The following ARMC12 variants were observed in gnomAD, a reference collection of about 807,000 sequenced individuals.
ARMC12 encodes armadillo repeat containing 12, also known as armadillo repeat-containing protein 12.
Under a neutral mutation model 37.4 loss-of-function variants are expected in ARMC12, and 25 were observed. The ratio of observed to expected loss-of-function variants is 0.67; its 90% CI spans 0.49 to 0.93. The LOEUF (loss-of-function observed/expected upper bound fraction) is 0.93. ARMC12 is among the 40% of genes least tolerant of loss of function. ARMC12 has a pLI of 0.00. For missense variants in ARMC12, 384 were observed against 426.6 expected, an observed-to-expected ratio of 0.90 and a Z score of 0.88; for synonymous variants, 167 against 176.1, an observed-to-expected ratio of 0.95 and a Z score of 0.41.
chr6:35,743,093 G>A (rs1019942437), intron 3 of ARMC12, among the ~76,000 whole-genome samples: 21 of 152,188 alleles, frequency 1.4e-4, no homozygotes, highest in African/African-American at 4.8e-4. Context: ...GAAGGGAAGG[G>A]CAGGTACTGA....
At chr6:35,746,072 T>A (rs67487310) in intron 3 of ARMC12, among the ~76,000 whole-genome samples, 258 of 149,624 alleles carry the variant, frequency 1.7e-3, no homozygotes, top group African/African-American at 3.0e-3. Context: ...TAAAATTAAA[T>A]TAAAAAACAA....
Position 35,738,039 on chromosome 6 carries a change from A to T in ARMC12, c.176A>T (p.Glu59Val). ...SPICIARLAV[E>V]RERHGRDSGE... The stretch of plus-strand genomic sequence containing the variant: ...GGTGGCTGTCTAGGCCTGGCAGTCG[A>T]GCGAGAGCGGCACGGGCGGGACTCA... Residue 59 changes from glutamate to valine, a missense_variant, in exon 2 of 6, where the codon GAG becomes GTG. By Grantham distance (121) the Glu-to-Val change is moderately radical. Transcript: ENST00000373866. 6.2e-7 allele frequency: 1 copy of T among 1,613,476 alleles called. No homozygotes were observed. Among genetic ancestry groups the T allele is most frequent in the Non-Finnish European group, 8.5e-7 (1 of 1,180,018 alleles).
chr6:35,747,056 G>GGAAAAAAAAAA (rs1352930256), intron 3 of ARMC12, among the ~76,000 whole-genome samples: 1 of 34,468 alleles, frequency 2.9e-5, no homozygotes, highest in Admixed American at 2.5e-4. Context: ...AAAGAAGTCT[G>GGAAAAAAAAAA]TAAAAAAAAA....
At chr6:35,736,424 A>C (rs1222718758), upstream of ARMC12, among the ~76,000 whole-genome samples, 1 of 152,190 alleles carries the variant, frequency 6.6e-6, no homozygotes, top group East Asian at 1.9e-4. Context: ...CACCTCACCC[A>C]GAAATGCCCT....
intron 3 of ARMC12, 30 bp downstream of exon 3, chr6:35,738,548 C>A: frequency 1.9e-6 from 3 of 1,612,812 alleles, no homozygotes; most frequent in Non-Finnish European, 2.5e-6. Flanking sequence ...GTGGGGCATG[C>A]AGGATGTCTA....
chr6:35,745,725 T>A (rs1328859031), intron 3 of ARMC12, among the ~76,000 whole-genome samples: 1 of 152,200 alleles, frequency 6.6e-6, no homozygotes, highest in African/African-American at 2.4e-5. Context: ...TGTACTATTT[T>A]TGCAACTTCC....
In ARMC12 at chr6:35,745,263, C is replaced by T. The variant is rs560277935; in HGVS notation, c.445-1998C>T. On this transcript the variant is annotated intron_variant, in intron 3 of 5. Coordinates refer to ENST00000373866, the MANE Select transcript of ARMC12 (RefSeq NM_001286574.2). ...TGAATGGTTAAACAAAATGGTATAG[C>T]CATTACCATGGAATGCTACTTAGTA... Among the ~76,000 whole-genome samples the T allele has an allele frequency of 1.6e-4, 24 of 152,248 alleles. No individual in the cohort carries two copies. The South Asian group carries it at 3.5e-3, about 22-fold the overall frequency.
upstream of ARMC12, among the ~76,000 whole-genome samples, chr6:35,734,190 G>A (rs929411202): frequency 1.3e-5 from 2 of 151,954 alleles, no homozygotes; most frequent in East Asian, 3.9e-4. Flanking sequence ...GACAGGGTCT[G>A]GCTCTGTCAC....
At chr6:35,739,739 T>C (rs1767108438) in intron 3 of ARMC12, among the ~76,000 whole-genome samples, 1 of 152,220 alleles carries the variant, frequency 6.6e-6, no homozygotes, top group Non-Finnish European at 1.5e-5. Flanking sequence ...ACTGAAACAG[T>C]TGTTATGGAG....
At chr6:35,735,330 A>C (rs1766932601), upstream of ARMC12, 1 of 152,364 alleles carries the variant, frequency 6.6e-6, no homozygotes, top group African/African-American at 2.4e-5. This position sits in a 1 kb window ranked among gnomAD's most constrained non-coding sequence, Gnocchi z 4.0. Flanking sequence ...CTCACCCCTC[A>C]CCACAGGGAG....
At chr6:35,738,286 T>TTTGGGGGAGAGGGGG in intron 2 of ARMC12, 98 bp from the exon 3 acceptor site, 1 of 1,059,414 alleles carries the variant, frequency 9.4e-7, no homozygotes, top group Non-Finnish European at 1.2e-6. Flanking sequence ...CTGATAGCGG[T>TTTGGGGGAGAGGGGG]GGGGGGGGGG....
chr6:35,732,532 A>G (rs573117269), upstream of ARMC12, among the ~76,000 whole-genome samples: 1 of 152,204 alleles, frequency 6.6e-6, no homozygotes, highest in East Asian at 1.9e-4. Flanking sequence ...ACTGGAGTTT[A>G]GGGTAGGGTA....
At chr6:35,736,324 A>G (rs1324049155), upstream of ARMC12, among the ~76,000 whole-genome samples, 1 of 152,192 alleles carries the variant, frequency 6.6e-6, no homozygotes, top group Non-Finnish European at 1.5e-5. Flanking sequence ...GAAACACCCC[A>G]AGGCCCAGGG....
chr6:35,738,126 T>C lies in ARMC12; in HGVS notation c.263T>C (p.Met88Thr), dbSNP rs1376120112. Residue 88 changes from methionine to threonine, a missense_variant, in exon 2 of 6, where the codon ATG (methionine) becomes ACG (threonine). Transcript: ENST00000373866. ...AAACAGGATGAGTATGCCAAGAGCA[T>C]GATCCTGCACAGTATCACTCGCTGT... is the stretch of plus-strand genomic sequence containing the variant. ...ECKQDEYAKS[M>T]ILHSITRCVY... The C allele has an allele frequency of 6.2e-7, 1 of 1,613,894 alleles. No individual in the cohort carries two copies. The highest frequency in any genetic ancestry group is 1.3e-5 in the African/African-American group (1 of 74,922).
Position 35,747,253 on chromosome 6 carries a change from C to A in ARMC12, c.445-8C>A, listed in dbSNP as rs762790813. On this transcript the variant is annotated splice_region_variant and splice_polypyrimidine_tract_variant and intron_variant, in intron 3 of 5. Transcript: ENST00000373866. The stretch of plus-strand genomic sequence containing the variant: ...AAAAGTAAGCCCTTTTGTTCTCCCC[C>A]ACTCCAGGAACACTCCATCAAAGTA... The A allele has an allele frequency of 4.4e-6, 7 of 1,608,286 alleles. No individual in the cohort carries two copies. The highest frequency in any genetic ancestry group is 2.2e-4 in the Middle Eastern group (1 of 4,506).
rs189690436 is a variant in ARMC12 at position 35,739,976 on chromosome 6, G to C, written c.444+1458G>C. ...TTTCTGGCAACCAGAAGCTATCCAA[G>C]GACCCTGCCTGGAGTCACTTCATTA... On this transcript the variant is annotated intron_variant, in intron 3 of 5. Transcript: ENST00000373866. Among the ~76,000 whole-genome samples, 7 of 152,310 alleles carry C rather than the reference G, an allele frequency of 4.6e-5. No individual in the cohort carries two copies. In the East Asian group the frequency reaches 1.4e-3, roughly 29 times the overall value.
intron 3 of ARMC12, among the ~76,000 whole-genome samples, chr6:35,741,323 A>G (rs971046570): frequency 6.6e-6 from 1 of 152,050 alleles, no homozygotes; most frequent in African/African-American, 2.4e-5. Context: ...GGTATGCCCA[A>G]CTTTTCCAGG....
chr6:35,748,774 C>T lies in ARMC12; in HGVS notation c.927C>T (p.Ala309=). Residue 309 remains alanine, a synonymous_variant, in exon 6 of 6, where the codon GCC becomes GCT. Coordinates refer to ENST00000373866, the MANE Select transcript of ARMC12 (RefSeq NM_001286574.2). ...CTGAGGAAGATGTTCAGATCCAGGC[C>T]TGCAAGGTCATTGTCAGCCTGCAGT... ...IHPEEDVQIQ[A]CKVIVSLQYP... 2 of 1,614,254 alleles carry T rather than the reference C, an allele frequency of 1.2e-6. No homozygotes were observed. The highest frequency in any genetic ancestry group is 1.7e-6 in the Non-Finnish European group (2 of 1,180,046).
intron 3 of ARMC12, among the ~76,000 whole-genome samples, chr6:35,743,571 A>T (rs931352577): frequency 6.6e-6 from 1 of 152,214 alleles, no homozygotes; most frequent in Admixed American, 6.5e-5. Context: ...TAAATGTAAT[A>T]TTGAACACTT....
Sources: allele counts gnomAD v4.1 joint callset (sites outside exome capture counted in the v4.1 genomes callset), GRCh38; gene constraint gnomAD v4.1.1; non-coding constraint Gnocchi (gnomAD v3.1); transcripts MANE v1.5; gene names NCBI Gene and HGNC (gene_info 2026-07-23, HGNC 2026-07-21).